Variants in ZRANB1 observed in about 807,000 individuals in gnomAD.
The protein encoded by ZRANB1 is ubiquitin thioesterase ZRANB1.
ZRANB1 carries 16 observed loss-of-function variants against 80.5 expected under a neutral mutation model. That is an observed-to-expected ratio of 0.20 (90% CI 0.13 to 0.30). ZRANB1 has a LOEUF of 0.30. Among genes scored for constraint, ZRANB1 ranks in the 10% least tolerant of loss-of-function variants. The probability of loss-of-function intolerance (pLI) is 1.00; values close to 1 mark genes in which losing one functional copy is unlikely to be tolerated. For synonymous variants in ZRANB1, 291 were observed against 293.1 expected (o/e 0.99, Z 0.07); for missense variants, 576 against 862.6 (o/e 0.67, Z 4.16).
At chr10:124,936,007 C>G in the ZRANB1 span, among the ~76,000 whole-genome samples, 1 of 152,292 alleles carries the variant, frequency 6.6e-6, no homozygotes, top group Middle Eastern at 3.4e-3. Context: ...GAGTTGAAAA[C>G]TTCATGAAGA....
the ZRANB1 span, among the ~76,000 whole-genome samples, chr10:124,922,334 ATATTTT>A: frequency 0.036 from 1,492 of 41,012 alleles, 32 homozygotes; most frequent in African/African-American, 0.063. Flanking sequence ...ATGTATATAT[ATATTTT>A]TTTTTTAATA....
intron 5 of ZRANB1, among the ~76,000 whole-genome samples, chr10:124,976,410 C>T (rs1208770084): frequency 6.6e-6 from 1 of 152,074 alleles, no homozygotes; most frequent in Admixed American, 6.6e-5. Context: ...ACAGTGGGTT[C>T]TTGGCATTGT....
At chr10:124,921,356 A>G in the ZRANB1 span, among the ~76,000 whole-genome samples, 3 of 152,248 alleles carry the variant, frequency 2.0e-5, no homozygotes, top group African/African-American at 7.2e-5. Context: ...TATGTGATTC[A>G]CTACTGCTAC....
intron 8 of ZRANB1, chr10:124,984,543 GCTC>G (rs1233786367): frequency 1.7e-5 from 9 of 521,476 alleles, no homozygotes; most frequent in African/African-American, 3.8e-5. Flanking sequence ...CCTCTAGTGT[GCTC>G]CTCTTTAGTT....
At chr10:124,969,167 C>T (rs1951799970) in intron 2 of ZRANB1, among the ~76,000 whole-genome samples, 1 of 152,228 alleles carries the variant, frequency 6.6e-6, no homozygotes, top group Admixed American at 6.5e-5. Context: ...AAGAGAGGCA[C>T]AGAGTACAAG....
At chr10:124,941,867 T>C (rs1005661294), upstream of ZRANB1, among the ~76,000 whole-genome samples, 12 of 152,208 alleles carry the variant, frequency 7.9e-5, no homozygotes, top group Non-Finnish European at 1.5e-4. Flanking sequence ...AATGTTACTT[T>C]GTTAATTGTA....
chr10:124,939,513 T>G (rs569028641), upstream of ZRANB1, among the ~76,000 whole-genome samples: 1 of 152,328 alleles, frequency 6.6e-6, no homozygotes, highest in East Asian at 1.9e-4. Flanking sequence ...AGCCTGGACA[T>G]TTAAATATAT....
the ZRANB1 span, among the ~76,000 whole-genome samples, chr10:124,923,282 A>G: frequency 7.0e-6 from 1 of 142,718 alleles, no homozygotes; most frequent in Non-Finnish European, 1.5e-5. Flanking sequence ...TGTCTCAAAA[A>G]CAAACAAACA....
chr10:124,939,052 C>T (rs976818933), upstream of ZRANB1, among the ~76,000 whole-genome samples: 1 of 152,094 alleles, frequency 6.6e-6, no homozygotes, highest in Non-Finnish European at 1.5e-5. Flanking sequence ...TGGGATGCGC[C>T]TGTGGTCCCA....
Position 124,942,817 on chromosome 10 carries a change from A to C in ZRANB1, c.324A>C (p.Leu108Phe). The part of the protein sequence containing the change: ...WPRAIRCTQC[L>F]SQRRTRSPTE... ...GAGCAATCAGATGTACCCAGTGCTTATCCCAACGTAGGACCAGGAGTCCTA... is the reference window on the plus strand; with the variant it reads ...GAGCAATCAGATGTACCCAGTGCTTCTCCCAACGTAGGACCAGGAGTCCTA... Residue 108 changes from leucine (L) to phenylalanine (F), a missense_variant, in exon 1 of 9, where the codon TTA becomes TTC. Around this residue, in one of 3 missense-constraint regions of ZRANB1, gnomAD observed 411 missense variants for 583.1 expected, o/e 0.70. Transcript: ENST00000359653. 1 of 1,614,258 alleles carries C rather than the reference A, an allele frequency of 6.2e-7. No individual in the cohort carries two copies. Among genetic ancestry groups the C allele is most frequent in the Non-Finnish European group, 8.5e-7 (1 of 1,180,044 alleles).
chr10:124,955,233 G>GT lies in ZRANB1; in HGVS notation c.815-11351dup, dbSNP rs1233848374. 7.0e-3 allele frequency among the ~76,000 whole-genome samples: 989 copies of GT among 141,382 alleles called. 9 individuals are homozygous for GT. The highest frequency in any genetic ancestry group is 0.02 in the African/African-American group (784 of 39,452). The allele number at this position is 141,382 out of a possible 152,430, so 92.8% of individuals were successfully genotyped here. ...ATGTTACATTAAAAGGTTTTTTTTT[G>GT]TTTTTTTTTTGTTTGTTTTTGAAAC... is the stretch of plus-strand genomic sequence containing the variant. On this transcript the variant is annotated intron_variant, in intron 1 of 8. Transcript: ENST00000359653.
chr10:124,923,845 C>T, the ZRANB1 span, among the ~76,000 whole-genome samples: 1 of 151,744 alleles, frequency 6.6e-6, no homozygotes, highest in African/African-American at 2.4e-5. Flanking sequence ...GGGTCCCTCC[C>T]TTGACACATG....
At chr10:124,968,046 A>T (rs1478324501) in intron 2 of ZRANB1, among the ~76,000 whole-genome samples, 2 of 152,036 alleles carry the variant, frequency 1.3e-5, no homozygotes, top group African/African-American at 4.8e-5. Flanking sequence ...TTGTAGGCAC[A>T]TGCCACCATG....
At chr10:124,943,923 G>T (rs557005197) in intron 1 of ZRANB1, among the ~76,000 whole-genome samples, 1 of 152,284 alleles carries the variant, frequency 6.6e-6, no homozygotes, top group African/African-American at 2.4e-5. Context: ...CCAAGAAGTT[G>T]AACAAACATA....
the ZRANB1 span, chr10:124,917,398 G>A: frequency 1.3e-5 from 2 of 151,132 alleles, no homozygotes; most frequent in Admixed American, 6.6e-5. Flanking sequence ...CGCGTCGCAG[G>A]CGCGGGGAGG....
rs372706643 is a variant in ZRANB1, at chr10:124,942,452, T to C, written c.-42T>C. ...TTTTAATAACCATGTCCTAATTATTTATAGCTTCCTGCCTGACACAGCTCA... is the reference window on the plus strand; with the variant it reads ...TTTTAATAACCATGTCCTAATTATTCATAGCTTCCTGCCTGACACAGCTCA... On this transcript the variant is annotated 5_prime_UTR_variant, in exon 1 of 9. Coordinates refer to ENST00000359653, the MANE Select transcript of ZRANB1 (RefSeq NM_017580.3). The C allele has an allele frequency of 6.2e-7, 1 of 1,610,826 alleles. No homozygotes were observed. The highest frequency in any genetic ancestry group is 8.5e-7 in the Non-Finnish European group (1 of 1,177,666).
the ZRANB1 span, among the ~76,000 whole-genome samples, chr10:124,917,785 G>C: frequency 1.3e-5 from 2 of 152,312 alleles, no homozygotes; most frequent in African/African-American, 4.8e-5. Context: ...CGACGAGGCG[G>C]GTGGGGAGGA....
intron 2 of ZRANB1, among the ~76,000 whole-genome samples, chr10:124,968,835 C>T (rs1191999149): frequency 1.3e-5 from 2 of 152,142 alleles, no homozygotes; most frequent in Non-Finnish European, 2.9e-5. Flanking sequence ...GGATGATGAT[C>T]GAACATCAGT....
At chr10:124,984,536 C>A (rs1286210190) in intron 8 of ZRANB1, 2 of 506,974 alleles carry the variant, frequency 3.9e-6, no homozygotes, top group Non-Finnish European at 3.5e-6. Flanking sequence ...AAATTACCCT[C>A]TAGTGTGCTC....
Sources: gnomAD v4.1 joint callset for allele counts (sites outside exome capture counted in the v4.1 genomes callset) on GRCh38, gnomAD v4.1.1 for gene constraint, gnomAD v4.1.1 regional missense constraint, MANE v1.5 for transcripts, NCBI Gene and HGNC (gene_info 2026-07-23, HGNC 2026-07-21) for gene names.